Variants in FAM171B observed in about 807,000 individuals in gnomAD.
FAM171B encodes protein FAM171B.
In FAM171B, 19 loss-of-function variants were observed where a neutral mutation model predicts 75.6. The observed-to-expected ratio is 0.25, with a 90% CI of 0.18 to 0.37. The LOEUF (loss-of-function observed/expected upper bound fraction) is 0.37. Among genes scored for constraint, FAM171B ranks in the 10% least tolerant of loss-of-function variants. FAM171B has a pLI of 1.00. For synonymous variants in FAM171B, 367 were observed against 361.7 expected (o/e 1.01, Z -0.17); for missense variants, 848 against 982.4 (o/e 0.86, Z 1.83).
rs138886041 is a variant in FAM171B, at chr2:186,728,985, TA to T, written c.239-11242del. On this transcript the variant is annotated intron_variant, in intron 1 of 7. Coordinates refer to ENST00000304698, the MANE Select transcript of FAM171B (RefSeq NM_177454.4). ...CTTTTAGTTACCTATTTGTATTCCA[TA>T]GGAAAACCATAATATAGTATTGGTT... Among the ~76,000 whole-genome samples the T allele has an allele frequency of 6.1e-4, 93 of 152,312 alleles. 1 individual carries two copies. In the East Asian group the frequency reaches 0.017, roughly 27 times the overall value.
chr2:186,711,766 T>G lies in FAM171B; in HGVS notation c.238+17355T>G, dbSNP rs1252643373. ...GCCCTAACTTCAAGCAAATTTTAAA[T>G]CTGTTGACACTTTTTTCTCATTGAC... On this transcript the variant is annotated intron_variant, in intron 1 of 7. Transcript: ENST00000304698. Among the ~76,000 whole-genome samples, 3 of 152,204 alleles carry G rather than the reference T, an allele frequency of 2.0e-5. No individual in the cohort carries two copies. In the South Asian group the frequency reaches 6.2e-4, roughly 31 times the overall value.
chr2:186,705,333 G>A (rs1574096349), intron 1 of FAM171B, among the ~76,000 whole-genome samples: 1 of 152,246 alleles, frequency 6.6e-6, no homozygotes, highest in Admixed American at 6.5e-5. Flanking sequence ...GCACACTGGT[G>A]GACATGTCTT....
intron 1 of FAM171B, among the ~76,000 whole-genome samples, chr2:186,712,384 G>T (rs139885871): frequency 6.6e-6 from 1 of 152,242 alleles, no homozygotes; most frequent in East Asian, 1.9e-4. Flanking sequence ...GTGAGAGTAA[G>T]CTCCATGGAC....
chr2:186,723,771 T>C (rs1354918420), intron 1 of FAM171B, among the ~76,000 whole-genome samples: 3 of 152,220 alleles, frequency 2.0e-5, no homozygotes, highest in Non-Finnish European at 4.4e-5. Context: ...AAATGATTGC[T>C]TACCCATCTT....
chr2:186,704,197 C>G (rs1341460333), intron 1 of FAM171B, among the ~76,000 whole-genome samples: 1 of 152,034 alleles, frequency 6.6e-6, no homozygotes, highest in Non-Finnish European at 1.5e-5. Context: ...CTTAATACTT[C>G]TAAAAATTTC....
intron 2 of FAM171B, 132 bp from the exon 3 acceptor site, chr2:186,743,351 T>C: frequency 3.3e-6 from 2 of 604,100 alleles, no homozygotes; most frequent in Non-Finnish European, 6.0e-6. Context: ...TTGTTTTGAA[T>C]TGCTCTTCCC....
Position 186,764,463 on chromosome 2 carries a change from C to CTTTTTTTTTTTTTT in FAM171B, c.*1652_*1665dup, listed in dbSNP as rs35271927. 1 of 83,050 alleles carries CTTTTTTTTTTTTTT rather than the reference C, an allele frequency of 1.2e-5. No individual in the cohort carries two copies. The highest frequency in any genetic ancestry group is 4.6e-5 in the African/African-American group (1 of 21,542). The allele number at this position is 83,050 out of a possible 1,614,324, so 5.1% of individuals were successfully genotyped here. On this transcript the variant is annotated 3_prime_UTR_variant, in exon 8 of 8. Coordinates refer to ENST00000304698, the MANE Select transcript of FAM171B (RefSeq NM_177454.4). The stretch of plus-strand genomic sequence containing the variant: ...ATGTTTTGGGTAATACCTAGGCTTC[C>CTTTTTTTTTTTTTT]TTTTTTTTTTTTTTTTTTTTTTTTT...
At position 186,694,320 on chromosome 2, in the gene FAM171B, G is replaced by A. The variant is rs73979342; in HGVS notation, c.147G>A (p.Gln49=). Residue 49 remains glutamine, a synonymous_variant, in exon 1 of 8, where the codon CAG becomes CAA. Transcript: ENST00000304698. ...TCATCCAACAGCAGCAGCAGCAGCA[G>A]CAACAACAACAACAACAGCAAAAGC... ...LSLIQQQQQQ[Q]QQQQQQQKQL... is the part of the protein sequence containing the mutation. The A allele has an allele frequency of 1.3e-4, 205 of 1,558,404 alleles. No individual in the cohort carries two copies. Among genetic ancestry groups the A allele is most frequent in the Admixed American group, 4.0e-4 (23 of 56,814 alleles).
intron 1 of FAM171B, among the ~76,000 whole-genome samples, chr2:186,721,909 T>C (rs1365487734): frequency 6.6e-6 from 1 of 151,798 alleles, no homozygotes; most frequent in Non-Finnish European, 1.5e-5. Flanking sequence ...AAAAACCATA[T>C]TTGCTAATTG....
intron 6 of FAM171B, among the ~76,000 whole-genome samples, chr2:186,757,587 T>C (rs945581362): frequency 2.0e-5 from 3 of 152,138 alleles, no homozygotes; most frequent in African/African-American, 7.2e-5. Flanking sequence ...TTGGAAAAAA[T>C]ATTAAGTGCA....
chr2:186,740,180 T>C (rs530173028), intron 1 of FAM171B, 48 bp from the exon 2 acceptor site: 2 of 1,335,236 alleles, frequency 1.5e-6, no homozygotes, highest in Non-Finnish European at 2.1e-6. Flanking sequence ...CTATGACATA[T>C]GCATTCTAGG....
intron 1 of FAM171B, among the ~76,000 whole-genome samples, chr2:186,711,976 A>T (rs1320080748): frequency 1.3e-5 from 2 of 152,118 alleles, no homozygotes; most frequent in African/African-American, 4.8e-5. Flanking sequence ...TGGTGTGTTT[A>T]TCTTGTCTTT....
intron 4 of FAM171B, among the ~76,000 whole-genome samples, chr2:186,748,981 C>T (rs1164976829): frequency 6.6e-6 from 1 of 152,148 alleles, no homozygotes; most frequent in Non-Finnish European, 1.5e-5. Context: ...TTTCCCAACA[C>T]TCTATTACCT....
intron 1 of FAM171B, among the ~76,000 whole-genome samples, chr2:186,700,565 AT>A (rs1235159079): frequency 1.3e-5 from 2 of 152,184 alleles, no homozygotes; most frequent in Non-Finnish European, 2.9e-5. Flanking sequence ...TTTGTAGCAC[AT>A]TTAGTAGTTT....
rs779605462 is a variant in FAM171B, at chr2:186,761,461, C to T, written c.1137-18C>T. ...TGTCATAACTTTTAAATATTTTTTG[C>T]CTTCTCTTCTACTCTAGGGACAAGT... On this transcript the variant is annotated intron_variant, in intron 7 of 7. Transcript: ENST00000304698. 1 of 1,530,502 alleles carries T rather than the reference C, an allele frequency of 6.5e-7. No individual in the cohort carries two copies. Among genetic ancestry groups the T allele is most frequent in the Non-Finnish European group, 8.7e-7 (1 of 1,147,628 alleles). The allele number at this position is 1,530,502 out of a possible 1,614,324, so 94.8% of individuals were successfully genotyped here. A position where few individuals can be genotyped will look rare whatever the true frequency, so the allele number is the denominator to read the frequency against.
At chr2:186,739,203 T>C (rs1690251264) in intron 1 of FAM171B, among the ~76,000 whole-genome samples, 1 of 152,218 alleles carries the variant, frequency 6.6e-6, no homozygotes, top group Non-Finnish European at 1.5e-5. Flanking sequence ...GACTGGAAGT[T>C]GCTATGGGTG....
chr2:186,725,173 T>A (rs930851494), intron 1 of FAM171B, among the ~76,000 whole-genome samples: 2 of 145,434 alleles, frequency 1.4e-5, no homozygotes, highest in African/African-American at 5.0e-5. Context: ...TGAAACCCTG[T>A]CTCTACTAAA....
intron 1 of FAM171B, among the ~76,000 whole-genome samples, chr2:186,736,152 T>C (rs1690195550): frequency 6.6e-6 from 1 of 152,222 alleles, no homozygotes; most frequent in Non-Finnish European, 1.5e-5. Context: ...TGATATAATC[T>C]TCTCTTTGCT....
At chr2:186,700,474 T>C (rs1223360998) in intron 1 of FAM171B, among the ~76,000 whole-genome samples, 2 of 152,306 alleles carry the variant, frequency 1.3e-5, no homozygotes, top group South Asian at 2.1e-4. Flanking sequence ...AATTTTGCAT[T>C]TTATAGAACT....
Sources: allele counts gnomAD v4.1 joint callset (sites outside exome capture counted in the v4.1 genomes callset), GRCh38; gene constraint gnomAD v4.1.1; transcripts MANE v1.5; gene names NCBI Gene and HGNC (gene_info 2026-07-23, HGNC 2026-07-21).